The following PIK3CD variants were observed in gnomAD, a reference collection of about 807,000 sequenced individuals.
PIK3CD encodes phosphatidylinositol 4,5-bisphosphate 3-kinase catalytic subunit delta isoform.
Under a neutral mutation model 122.9 loss-of-function variants are expected in PIK3CD, and 20 were observed. The observed-to-expected ratio is 0.16, with a 90% confidence interval of 0.11 to 0.24. The LOEUF (loss-of-function observed/expected upper bound fraction) is 0.24, where lower values mean the gene tolerates loss of function less well. PIK3CD is among the 10% of genes least tolerant of loss of function. The probability of loss-of-function intolerance (pLI) is 1.00; values close to 1 mark genes in which losing one functional copy is unlikely to be tolerated. For synonymous variants in PIK3CD, 596 were observed against 593.4 expected (o/e 1.00, Z -0.06); for missense variants, 787 against 1,406.3 (o/e 0.56, Z 7.04).
At chr1:9,667,914 T>G (rs1254479033) in intron 1 of PIK3CD, among the ~76,000 whole-genome samples, 13 of 145,182 alleles carry the variant, frequency 9.0e-5, no homozygotes, top group Admixed American at 4.1e-4. Context: ...TTTTGTTTTT[T>G]TTTTTTTTTT....
chr1:9,665,511 G>A (rs966336668), intron 1 of PIK3CD, among the ~76,000 whole-genome samples: 8 of 151,558 alleles, frequency 5.3e-5, no homozygotes, highest in Admixed American at 2.6e-4. Context: ...AACAGAATTC[G>A]CTCATGCCAG....
chr1:9,711,903 CT>C (rs1235810173), intron 3 of PIK3CD, among the ~76,000 whole-genome samples: 40 of 146,662 alleles, frequency 2.7e-4, no homozygotes, highest in South Asian at 2.2e-4. Flanking sequence ...ATCTCTTTTT[CT>C]TTTTTTTTTT....
intron 2 of PIK3CD, among the ~76,000 whole-genome samples, chr1:9,699,189 G>A (rs1330602265): frequency 6.6e-6 from 1 of 152,044 alleles, no homozygotes; most frequent in Non-Finnish European, 1.5e-5. Context: ...CAGCCAGGGC[G>A]ATAGAATGAG....
At position 9,724,555 on chromosome 1, in the gene PIK3CD, G is replaced by A. The variant is rs769918959; in HGVS notation, c.2864+134G>A. On this transcript the variant is annotated intron_variant, in intron 22 of 23. Transcript: ENST00000377346. The surrounding 1 kb of genome is among the most constrained non-coding windows in gnomAD (Gnocchi z 7.3). Reference sequence around the variant, plus strand: ...CTGGCCCCTCACCCCAACTGTTGATGGGTTTGGAACATGCCCCTGCTCCAC... The same window carrying A: ...CTGGCCCCTCACCCCAACTGTTGATAGGTTTGGAACATGCCCCTGCTCCAC... 3 of 1,136,012 alleles carry A rather than the reference G, an allele frequency of 2.6e-6. No individual in the cohort carries two copies. Among genetic ancestry groups the A allele is most frequent in the Non-Finnish European group, 3.9e-6 (3 of 770,814 alleles). 70.4% of individuals were successfully genotyped at this position (1,136,012 alleles called of 1,614,324 possible). A position where few individuals can be genotyped will look rare whatever the true frequency, so the allele number is the denominator to read the frequency against.
chr1:9,691,821 C>T, intron 2 of PIK3CD: 1 of 340,048 alleles, frequency 2.9e-6, no homozygotes, highest in East Asian at 4.6e-5. Flanking sequence ...GAAGGAATGG[C>T]TTTGCTTTGA....
At chr1:9,669,701 C>T (rs548799419) in intron 1 of PIK3CD, among the ~76,000 whole-genome samples, 60 of 152,180 alleles carry the variant, frequency 3.9e-4, no homozygotes, top group Non-Finnish European at 7.2e-4. Context: ...AGGAAAGTCA[C>T]GCAAACAGGG....
In PIK3CD at chr1:9,661,391, TTTTC is replaced by T. The variant is rs199935640; in HGVS notation, c.-138+9593_-138+9596del. ...CACTGTACCCAGCCAAGGATTTTTC[TTTTC>T]TTTTCTTTTTCCTTATAGGGTCTCA... On this transcript the variant is annotated intron_variant, in intron 1 of 23. Transcript: ENST00000377346. 6.4e-3 allele frequency among the ~76,000 whole-genome samples: 975 copies of T among 152,152 alleles called. 40 individuals carry two copies. The highest frequency in any genetic ancestry group is 0.055 in the Admixed American group (839 of 15,280).
rs904095923 is a variant in PIK3CD at position 9,715,273 on chromosome 1, C to T, written c.142-268C>T. On this transcript the variant is annotated intron_variant, in intron 3 of 23. Coordinates refer to ENST00000377346, the MANE Select transcript of PIK3CD (RefSeq NM_005026.5). This position sits in a 1 kb window ranked among gnomAD's most constrained non-coding sequence, Gnocchi z 4.1. Reference sequence around the variant, plus strand: ...TCTGGAGTGACCTAGGGTGGTCCTGCACTCTGGGAGGGGAGCCTGTAGGAC... The same window carrying T: ...TCTGGAGTGACCTAGGGTGGTCCTGTACTCTGGGAGGGGAGCCTGTAGGAC... Among the ~76,000 whole-genome samples the T allele has an allele frequency of 2.0e-5, 3 of 152,198 alleles. No homozygotes were observed. The highest frequency in any genetic ancestry group is 7.2e-5 in the African/African-American group (3 of 41,454).
intron 2 of PIK3CD, among the ~76,000 whole-genome samples, chr1:9,698,267 C>T (rs1646495313): frequency 6.6e-6 from 1 of 152,124 alleles, no homozygotes; most frequent in South Asian, 2.1e-4. Context: ...CTCACCTTCC[C>T]AAGTAGCTGG....
In PIK3CD at chr1:9,717,915, G is replaced by A. The variant is rs951071114; in HGVS notation, c.1020+289G>A. 8.5e-5 allele frequency among the ~76,000 whole-genome samples: 13 copies of A among 152,186 alleles called. No homozygotes were observed. The highest frequency in any genetic ancestry group is 1.6e-4 in the Non-Finnish European group (11 of 68,018). On this transcript the variant is annotated intron_variant, in intron 8 of 23. Transcript: ENST00000377346. The surrounding 1 kb of genome is among the most constrained non-coding windows in gnomAD (Gnocchi z 5.4). ...AGGTTCAGCCCAGGGATCCGGGACC[G>A]CAGAGCTGGGGGAAGGGCCGGGCAT... is the stretch of plus-strand genomic sequence containing the variant.
At position 9,727,381 on chromosome 1, in the gene PIK3CD, C is replaced by T. The variant is rs1649825026; in HGVS notation, c.*335C>T. The T allele has an allele frequency of 2.3e-6, 1 of 437,596 alleles. No homozygotes were observed. The highest frequency in any genetic ancestry group is 4.3e-6 in the Non-Finnish European group (1 of 233,302). The allele number at this position is 437,596 out of a possible 1,614,324, so 27.1% of individuals were successfully genotyped here. On this transcript the variant is annotated 3_prime_UTR_variant, in exon 24 of 24. Coordinates refer to ENST00000377346, the MANE Select transcript of PIK3CD (RefSeq NM_005026.5). ...CTCCCGAGGGAACCTTCTTCCCAGG[C>T]CTCCCGCCAGACTGCCTGGGTCCTG...
chr1:9,673,353 T>C (rs1006791530), intron 1 of PIK3CD, among the ~76,000 whole-genome samples: 4 of 152,074 alleles, frequency 2.6e-5, no homozygotes, highest in African/African-American at 9.7e-5. Context: ...TCTGCCTCTC[T>C]GGTTCAAGCA....
rs758362305 is a variant in PIK3CD, at chr1:9,719,908, T to A, written c.1243-13T>A. ...CCTGAGTGGCTGTCCTCACCTGCCC[T>A]GTCCTTCTGCAGGACTGCCCCATTG... is the stretch of plus-strand genomic sequence containing the variant. On this transcript the variant is annotated splice_polypyrimidine_tract_variant and intron_variant, in intron 9 of 23. Transcript: ENST00000377346. This position sits in a 1 kb window ranked among gnomAD's most constrained non-coding sequence, Gnocchi z 5.5. 1.2e-6 allele frequency: 2 copies of A among 1,610,962 alleles called. No individual in the cohort carries two copies. Among genetic ancestry groups the A allele is most frequent in the African/African-American group, 2.7e-5 (2 of 74,876 alleles).
At chr1:9,636,949 A>G in the PIK3CD span, among the ~76,000 whole-genome samples, 26 of 151,360 alleles carry the variant, frequency 1.7e-4, no homozygotes, top group Admixed American at 8.6e-4. Flanking sequence ...CCAGGCTGGA[A>G]TGCAGTGGCC....
At chr1:9,636,693 G>A in the PIK3CD span, among the ~76,000 whole-genome samples, 1 of 152,064 alleles carries the variant, frequency 6.6e-6, no homozygotes, top group Admixed American at 6.6e-5. Flanking sequence ...TCCCATTTTT[G>A]GTTCATGGGC....
At chr1:9,682,089 A>T (rs1342999013) in intron 1 of PIK3CD, among the ~76,000 whole-genome samples, 1 of 150,826 alleles carries the variant, frequency 6.6e-6, no homozygotes, top group Non-Finnish European at 1.5e-5. Flanking sequence ...CGCCTGGCTA[A>T]TTTTTGTATT....
At chr1:9,698,773 G>A (rs1013626908) in intron 2 of PIK3CD, among the ~76,000 whole-genome samples, 6 of 152,174 alleles carry the variant, frequency 3.9e-5, no homozygotes, top group Non-Finnish European at 8.8e-5. Context: ...GCCTCCACCT[G>A]GGTGCAGGCC....
intron 23 of PIK3CD, among the ~76,000 whole-genome samples, chr1:9,726,683 T>G (rs903961596): frequency 3.3e-5 from 5 of 152,040 alleles, no homozygotes; most frequent in African/African-American, 9.7e-5. Context: ...CAGAGCCATT[T>G]CTCCAGTAGG....
intron 1 of PIK3CD, among the ~76,000 whole-genome samples, chr1:9,661,441 T>G (rs1366721021): frequency 6.6e-6 from 1 of 152,138 alleles, no homozygotes; most frequent in Non-Finnish European, 1.5e-5. Flanking sequence ...CAGGCTAGAG[T>G]GCAGTGGTGC....
Sources: gnomAD v4.1 joint callset for allele counts (sites outside exome capture counted in the v4.1 genomes callset) on GRCh38, gnomAD v4.1.1 for gene constraint, Gnocchi (gnomAD v3.1) non-coding constraint, MANE v1.5 for transcripts, NCBI Gene and HGNC (gene_info 2026-07-23, HGNC 2026-07-21) for gene names.